Variants in MAGI2 observed in about 807,000 individuals in gnomAD.
The protein encoded by MAGI2 is membrane associated guanylate kinase, WW and PDZ domain containing 2, also known as membrane-associated guanylate kinase, WW and PDZ domain-containing protein 2.
Under a neutral mutation model 133.3 loss-of-function variants are expected in MAGI2, and 35 were observed. That is an observed-to-expected ratio of 0.26 (90% CI 0.20 to 0.35). The LOEUF is 0.35. Ranked by LOEUF, MAGI2 falls within the 10% of genes least tolerant of loss-of-function variation. The pLI is 1.00. For missense variants in MAGI2, 1,636 were observed against 1,863.4 expected (o/e 0.88, Z 2.25); for synonymous variants, 729 against 710.6 (o/e 1.03, Z -0.41).
intron 2 of MAGI2, among the ~76,000 whole-genome samples, chr7:78,868,015 A>G (rs991539065): frequency 3.3e-5 from 5 of 152,184 alleles, no homozygotes; most frequent in African/African-American, 7.2e-5. Flanking sequence ...ATGTGTTGAT[A>G]CGATTTTTAA....
intron 6 of MAGI2, among the ~76,000 whole-genome samples, chr7:78,372,322 A>G (rs1794000324): frequency 6.6e-6 from 1 of 152,184 alleles, no homozygotes; most frequent in African/African-American, 2.4e-5. Flanking sequence ...CACTGTGAAA[A>G]TTAAGCTATT....
intron 21 of MAGI2, among the ~76,000 whole-genome samples, chr7:78,051,417 T>C (rs75228901): frequency 0.22 from 32,932 of 152,188 alleles, 4,404 homozygotes; most frequent in Non-Finnish European, 0.31. Flanking sequence ...TAAAACAAAC[T>C]GTACATATAC....
intron 1 of MAGI2, among the ~76,000 whole-genome samples, chr7:79,131,380 T>C (rs1259481074): frequency 6.6e-6 from 1 of 152,176 alleles, no homozygotes; most frequent in Non-Finnish European, 1.5e-5. Flanking sequence ...AAGCTGTGAA[T>C]AATGGCACAC....
intron 21 of MAGI2, among the ~76,000 whole-genome samples, chr7:78,064,854 T>G (rs538276180): frequency 6.6e-6 from 1 of 152,180 alleles, no homozygotes; most frequent in Non-Finnish European, 1.5e-5. Flanking sequence ...TCTGATTTTT[T>G]AAAAAATTAT....
At chr7:78,180,293 T>A (rs1827068903) in intron 13 of MAGI2, among the ~76,000 whole-genome samples, 1 of 152,160 alleles carries the variant, frequency 6.6e-6, no homozygotes, top group Non-Finnish European at 1.5e-5. Flanking sequence ...TCAGCACCCA[T>A]CCATATTGCA....
At chr7:78,194,298 G>A (rs1313388167) in intron 12 of MAGI2, among the ~76,000 whole-genome samples, 2 of 152,174 alleles carry the variant, frequency 1.3e-5, no homozygotes, top group Non-Finnish European at 2.9e-5. Context: ...AGGGTGACAA[G>A]TGCATACACG....
At chr7:78,924,335 C>T (rs1799513247) in intron 2 of MAGI2, among the ~76,000 whole-genome samples, 3 of 152,250 alleles carry the variant, frequency 2.0e-5, no homozygotes, top group Admixed American at 2.0e-4. Context: ...GTGGGTTTCT[C>T]ATAGATAGCT....
intron 2 of MAGI2, among the ~76,000 whole-genome samples, chr7:78,767,408 A>C (rs554096488): frequency 1.0e-3 from 152 of 152,196 alleles, no homozygotes; most frequent in African/African-American, 3.2e-3. Context: ...GAGATCTTAG[A>C]AAGAGTGCCA....
chr7:79,016,220 C>A (rs1455307502), intron 1 of MAGI2, among the ~76,000 whole-genome samples: 3 of 152,234 alleles, frequency 2.0e-5, no homozygotes, highest in Middle Eastern at 3.4e-3. Context: ...ACCCATCCCC[C>A]AGGGCTGCCT....
chr7:78,651,442 C>A (rs545565977), intron 2 of MAGI2, among the ~76,000 whole-genome samples: 1 of 151,958 alleles, frequency 6.6e-6, no homozygotes, highest in African/African-American at 2.4e-5. Context: ...ACTGAAGCAC[C>A]CCCTGTGCTT....
At chr7:78,882,972 C>T (rs1324850909) in intron 2 of MAGI2, among the ~76,000 whole-genome samples, 2 of 152,106 alleles carry the variant, frequency 1.3e-5, no homozygotes, top group Non-Finnish European at 2.9e-5. Flanking sequence ...ACTCTCACTA[C>T]TTCTATTCAA....
At chr7:79,385,225 T>C (rs1333686153) in intron 1 of MAGI2, among the ~76,000 whole-genome samples, 2 of 151,798 alleles carry the variant, frequency 1.3e-5, no homozygotes, top group African/African-American at 4.8e-5. Context: ...GAAGCTATCA[T>C]GTGCAAGCTC....
chr7:78,748,158 TA>T (rs11301409), intron 2 of MAGI2, among the ~76,000 whole-genome samples: 98,186 of 149,354 alleles, frequency 0.66, 32,440 homozygotes, highest in African/African-American at 0.72. Context: ...CTTGAGGATT[TA>T]AAAAAAAAAA....
intron 6 of MAGI2, among the ~76,000 whole-genome samples, chr7:78,440,017 A>T (rs955408313): frequency 1.3e-5 from 2 of 151,822 alleles, no homozygotes; most frequent in African/African-American, 2.4e-5. Flanking sequence ...TTTACTAGAA[A>T]ATTTAAAGTT....
chr7:78,833,579 C>T (rs2151447465), intron 2 of MAGI2, among the ~76,000 whole-genome samples: 1 of 152,302 alleles, frequency 6.6e-6, no homozygotes, highest in African/African-American at 2.4e-5. Context: ...CTCCTAGCTC[C>T]CTGCCTTTGA....
chr7:78,823,580 C>CAAAAAAAAAAAAAA (rs1166858938), intron 2 of MAGI2, among the ~76,000 whole-genome samples: 3 of 91,866 alleles, frequency 3.3e-5, no homozygotes, highest in Non-Finnish European at 4.3e-5. Context: ...GACTCCGTCT[C>CAAAAAAAAAAAAAA]AAAAAAAAAA....
intron 1 of MAGI2, among the ~76,000 whole-genome samples, chr7:79,095,960 T>A (rs772291633): frequency 6.6e-6 from 1 of 152,236 alleles, no homozygotes; most frequent in Non-Finnish European, 1.5e-5. Flanking sequence ...CAGAGTTAAC[T>A]ACAATAAAAT....
At chr7:78,284,131 G>A (rs1795907960) in intron 9 of MAGI2, among the ~76,000 whole-genome samples, 1 of 152,088 alleles carries the variant, frequency 6.6e-6, no homozygotes. Context: ...TACACACACA[G>A]TATATAACAT....
chr7:78,981,789 G>C (rs371853378), intron 2 of MAGI2, among the ~76,000 whole-genome samples: 1 of 151,760 alleles, frequency 6.6e-6, no homozygotes. Context: ...TCTGAGCTTG[G>C]GATTTCTGCA....
Sources: gnomAD v4.1 joint callset for allele counts (sites outside exome capture counted in the v4.1 genomes callset) on GRCh38, gnomAD v4.1.1 for gene constraint, MANE v1.5 for transcripts, NCBI Gene and HGNC (gene_info 2026-07-23, HGNC 2026-07-21) for gene names.